The following PRKN variants were observed in gnomAD, a reference collection of about 807,000 sequenced individuals.
PRKN encodes the protein E3 ubiquitin-protein ligase parkin.
PRKN carries 56 observed loss-of-function variants against 59.5 expected under a neutral mutation model. The ratio of observed to expected loss-of-function variants is 0.94; its 90% confidence interval spans 0.76 to 1.18. The LOEUF is 1.18. PRKN is among the 50% of genes most tolerant of loss of function. The pLI is 0.00. For missense variants in PRKN, 657 were observed against 596.4 expected, an observed-to-expected ratio of 1.10 and a Z score of -1.06; for synonymous variants, 250 against 222.1, an observed-to-expected ratio of 1.13 and a Z score of -1.12.
chr6:162,636,965 A>C (rs1279346463), intron 1 of PRKN, among the ~76,000 whole-genome samples: 1 of 151,904 alleles, frequency 6.6e-6, no homozygotes, highest in East Asian at 1.9e-4. Flanking sequence ...TCCCAAAAAA[A>C]AAAAGATGTG....
chr6:162,359,585 T>A (rs1361931825), intron 2 of PRKN, among the ~76,000 whole-genome samples: 3 of 84,916 alleles, frequency 3.5e-5, no homozygotes, highest in Non-Finnish European at 6.3e-5. Flanking sequence ...ATATACCTTT[T>A]AAAATTAAAA....
intron 7 of PRKN, among the ~76,000 whole-genome samples, chr6:161,657,474 C>T (rs894454180): frequency 6.6e-6 from 1 of 152,168 alleles, no homozygotes; most frequent in Non-Finnish European, 1.5e-5. Context: ...TCTCCACCCG[C>T]ACCCACAGGC....
intron 1 of PRKN, among the ~76,000 whole-genome samples, chr6:162,458,296 C>A (rs1297490000): frequency 2.1e-5 from 3 of 141,182 alleles, no homozygotes; most frequent in Non-Finnish European, 4.6e-5. Context: ...TGTGGTGGCA[C>A]GTGCCTGTAA....
intron 1 of PRKN, among the ~76,000 whole-genome samples, chr6:162,566,818 A>T (rs1780103624): frequency 6.6e-6 from 1 of 152,170 alleles, no homozygotes; most frequent in Non-Finnish European, 1.5e-5. Flanking sequence ...AAAACCACAG[A>T]CACATCAAAA....
At chr6:162,622,358 A>G (rs117294158) in intron 1 of PRKN, among the ~76,000 whole-genome samples, 1,788 of 141,982 alleles carry the variant, frequency 0.013, 15 homozygotes, top group Non-Finnish European at 0.018. Context: ...GAATTTTTGC[A>G]TTTTTAGTAG....
In PRKN at chr6:161,420,518, CTTTA is replaced by C. The variant is rs1332906609; in HGVS notation, c.1084-33645_1084-33642del. 1.4e-3 allele frequency among the ~76,000 whole-genome samples: 208 copies of C among 151,228 alleles called. 4 individuals carry two copies. The highest frequency in any genetic ancestry group is 6.8e-3 in the Middle Eastern group (2 of 294). On this transcript the variant is annotated intron_variant, in intron 9 of 11. Coordinates refer to ENST00000366898, the MANE Select transcript of PRKN (RefSeq NM_004562.3). Reference sequence around the variant, plus strand: ...TTCCTTTATTTTCTTTTTTTTCTTTCTTTATTTATTTTTGAGACAGGATTCTGCT... The same window carrying C: ...TTCCTTTATTTTCTTTTTTTTCTTTCTTTATTTTTGAGACAGGATTCTGCT...
chr6:162,060,649 C>T (rs752373134), intron 4 of PRKN, among the ~76,000 whole-genome samples: 11 of 152,154 alleles, frequency 7.2e-5, no homozygotes, highest in Non-Finnish European at 1.0e-4. Context: ...ATTATTCAGA[C>T]ACAGTCCAGA....
At position 162,727,742 on chromosome 6, in the gene PRKN, C is replaced by G. The variant is rs1362063712; in HGVS notation, c.-74G>C. 2 of 1,472,382 alleles carry G rather than the reference C, an allele frequency of 1.4e-6. No homozygotes were observed. Among genetic ancestry groups the G allele is most frequent in the Non-Finnish European group, 1.9e-6 (2 of 1,076,840 alleles). The allele number at this position is 1,472,382 out of a possible 1,614,324, so 91.2% of individuals were successfully genotyped here. A position where few individuals can be genotyped will look rare whatever the true frequency, so the allele number is the denominator to read the frequency against. The stretch of plus-strand genomic sequence containing the variant: ...CAGCGGCGCCAGCCGCGCCTCCCAC[C>G]AGCGGCTCTCCTGGGTTAAATCCTC... On this transcript the variant is annotated 5_prime_UTR_variant, in exon 1 of 12. Coordinates refer to ENST00000366898, the MANE Select transcript of PRKN (RefSeq NM_004562.3).
rs991362079 is a variant in PRKN at position 161,529,506 on chromosome 6, T to C, written c.1083+19348A>G. ...CAGGAAAGGTGAAATGGCTTACTTATGATCTCACAGCAATGGGACAGAGAA... is the reference window on the plus strand; with the variant it reads ...CAGGAAAGGTGAAATGGCTTACTTACGATCTCACAGCAATGGGACAGAGAA... On this transcript the variant is annotated intron_variant, in intron 9 of 11. Coordinates refer to ENST00000366898, the MANE Select transcript of PRKN (RefSeq NM_004562.3). This position sits in a 1 kb window ranked among gnomAD's most constrained non-coding sequence, Gnocchi z 4.4. Among the ~76,000 whole-genome samples the C allele has an allele frequency of 6.6e-6, 1 of 152,208 alleles. No homozygotes were observed. Among genetic ancestry groups the C allele is most frequent in the Non-Finnish European group, 1.5e-5 (1 of 68,038 alleles).
chr6:162,656,876 AC>A (rs1334394631), intron 1 of PRKN, among the ~76,000 whole-genome samples: 4 of 152,050 alleles, frequency 2.6e-5, no homozygotes, highest in Non-Finnish European at 4.4e-5. Flanking sequence ...AATCCCAGGC[AC>A]CCACCCTCCA....
At chr6:162,141,185 A>G in intron 4 of PRKN, among the ~76,000 whole-genome samples, 1 of 152,120 alleles carries the variant, frequency 6.6e-6, no homozygotes. Context: ...TTTATGATAT[A>G]GTGACTATTC....
At chr6:162,503,454 G>A (rs566298836) in intron 1 of PRKN, among the ~76,000 whole-genome samples, 2 of 152,162 alleles carry the variant, frequency 1.3e-5, no homozygotes, top group African/African-American at 4.8e-5. Context: ...ATGAGCCACC[G>A]TGCCTGGCCT....
chr6:161,713,574 G>A (rs1786842404), intron 7 of PRKN, among the ~76,000 whole-genome samples: 1 of 152,174 alleles, frequency 6.6e-6, no homozygotes, highest in South Asian at 2.1e-4. Context: ...CAGTAACTGG[G>A]GACAAAGACC....
chr6:162,658,575 C>T (rs555158782), intron 1 of PRKN, among the ~76,000 whole-genome samples: 24 of 147,734 alleles, frequency 1.6e-4, no homozygotes, highest in African/African-American at 6.0e-4. Context: ...GCAGAAGAAT[C>T]GCTTGAACCC....
At chr6:162,667,577 G>A (rs548890834) in intron 1 of PRKN, among the ~76,000 whole-genome samples, 1 of 152,168 alleles carries the variant, frequency 6.6e-6, no homozygotes, top group South Asian at 2.1e-4. Context: ...TTCATGTGGA[G>A]TGACTCCATT....
At chr6:162,149,125 T>C (rs1026809210) in intron 4 of PRKN, among the ~76,000 whole-genome samples, 13 of 152,194 alleles carry the variant, frequency 8.5e-5, no homozygotes, top group Non-Finnish European at 1.8e-4. Flanking sequence ...GGACAATTCA[T>C]TGTTACTTTG....
intron 10 of PRKN, among the ~76,000 whole-genome samples, chr6:161,365,438 T>C (rs1360549941): frequency 6.6e-6 from 1 of 152,196 alleles, no homozygotes; most frequent in African/African-American, 2.4e-5. Flanking sequence ...GCGAATACAA[T>C]GTTTATTCTA....
At chr6:161,776,117 G>A (rs2128204315) in intron 7 of PRKN, among the ~76,000 whole-genome samples, 1 of 152,294 alleles carries the variant, frequency 6.6e-6, no homozygotes, top group East Asian at 1.9e-4. Flanking sequence ...TGCTACCAGG[G>A]CTTATAAAGG....
At chr6:161,416,967 A>C (rs1298872949) in intron 9 of PRKN, among the ~76,000 whole-genome samples, 1 of 152,172 alleles carries the variant, frequency 6.6e-6, no homozygotes, top group East Asian at 1.9e-4. Context: ...GGAATGAGGT[A>C]CCAGAAAGAA....
Sources: allele counts gnomAD v4.1 joint callset (sites outside exome capture counted in the v4.1 genomes callset), GRCh38; gene constraint gnomAD v4.1.1; non-coding constraint Gnocchi (gnomAD v3.1); transcripts MANE v1.5; gene names NCBI Gene and HGNC (gene_info 2026-07-23, HGNC 2026-07-21).